The following OSCP1 variants were observed in gnomAD, a reference collection of about 807,000 sequenced individuals.
OSCP1 encodes organic solute carrier partner 1.
In OSCP1, 35 loss-of-function variants were observed where a neutral mutation model predicts 45.1. The observed-to-expected ratio is 0.78, with a 90% CI of 0.59 to 1.03. The LOEUF (loss-of-function observed/expected upper bound fraction) is 1.03. OSCP1 is among the 50% of genes least tolerant of loss of function. OSCP1 has a pLI of 0.00. For synonymous variants in OSCP1, 179 were observed against 180.1 expected (o/e 0.99, Z 0.05); for missense variants, 400 against 470.7 (o/e 0.85, Z 1.39).
intron 2 of OSCP1, among the ~76,000 whole-genome samples, chr1:36,438,431 A>C (rs1481499383): frequency 6.6e-6 from 1 of 151,944 alleles, no homozygotes; most frequent in Non-Finnish European, 1.5e-5. Flanking sequence ...TCAAGGCCGC[A>C]GTGAGCTATG....
chr1:36,434,353 G>C (rs11263896), intron 2 of OSCP1, among the ~76,000 whole-genome samples: 376 of 152,292 alleles, frequency 2.5e-3, no homozygotes, highest in African/African-American at 8.8e-3. Context: ...AATGATATTT[G>C]ACCTCAAGAC....
rs1186401243 is a variant in OSCP1, at chr1:36,432,527, A to G, written c.330T>C (p.Asp110=). 6.2e-7 allele frequency: 1 copy of G among 1,614,158 alleles called. No individual in the cohort carries two copies. The highest frequency in any genetic ancestry group is 1.1e-5 in the South Asian group (1 of 91,084). Reference sequence around the variant, plus strand: ...AGTGATTGAAAGTGACCAGCAGCACATCCTTGGGTCGGGGACACAGCAATA... The same window carrying G: ...AGTGATTGAAAGTGACCAGCAGCACGTCCTTGGGTCGGGGACACAGCAATA... The part of the protein sequence containing the change: ...YQVLLCPRPK[D]VLLVTFNHLD... Residue 110 remains aspartate, a synonymous_variant, in exon 3 of 10, where the codon GAT becomes GAC. Transcript: ENST00000235532.
At chr1:36,440,952 A>G (rs925433776) in intron 1 of OSCP1, 1 of 152,224 alleles carries the variant, frequency 6.6e-6, no homozygotes, top group Non-Finnish European at 1.5e-5. Flanking sequence ...TTGAGCCCTT[A>G]TTAGGAGCTA....
Position 36,418,190 on chromosome 1 carries a change from C to G in OSCP1, c.1089G>C (p.Arg363Ser), listed in dbSNP as rs1247222519. The G allele has an allele frequency of 5.0e-6, 8 of 1,614,080 alleles. No individual in the cohort carries two copies. The highest frequency in any genetic ancestry group is 4.4e-5 in the South Asian group (4 of 91,090). ...MGEFEITEQP[R>S]LSTSKGDDLL... ...AATCGTCCCCTTTGCTGGTGCTCAG[C>G]CTTGGCTGCTCCGTGATCTCAAACT... Residue 363 changes from arginine (R) to serine (S), a missense_variant, in exon 10 of 10, where the codon AGG becomes AGC. Coordinates refer to ENST00000235532, the MANE Select transcript of OSCP1 (RefSeq NM_145047.5).
At chr1:36,444,863 T>C (rs1191506897) in intron 1 of OSCP1, among the ~76,000 whole-genome samples, 2 of 152,186 alleles carry the variant, frequency 1.3e-5, no homozygotes, top group African/African-American at 4.8e-5. Context: ...ACAGGCCTAT[T>C]GTGGGGATAA....
rs762046311 is a variant in OSCP1 at position 36,420,546 on chromosome 1, C to G, written c.889G>C (p.Glu297Gln). 1.2e-6 allele frequency: 2 copies of G among 1,614,020 alleles called. No individual in the cohort carries two copies. Among genetic ancestry groups the G allele is most frequent in the Non-Finnish European group, 1.7e-6 (2 of 1,180,036 alleles). ...TCAGGGCCACTGGGTTTCTTAATCTCCATCCCTCCCATCAGCCTGGCCAAG... is the reference window on the plus strand; with the variant it reads ...TCAGGGCCACTGGGTTTCTTAATCTGCATCCCTCCCATCAGCCTGGCCAAG... ...NFLARLMGGMEIKKPSGPEPG... is the reference protein window; with the variant it reads ...NFLARLMGGMQIKKPSGPEPG... The change falls in exon 8 of 10, where the codon GAG (glutamate) becomes CAG (glutamine). Residue 297 changes from glutamate to glutamine, a missense_variant. Transcript: ENST00000235532.
At chr1:36,429,812 A>ATT (rs34228845) in intron 4 of OSCP1, among the ~76,000 whole-genome samples, 139 of 139,486 alleles carry the variant, frequency 1.0e-3, no homozygotes, top group Admixed American at 3.8e-3. Context: ...CAGTAGCATG[A>ATT]TTTTTTTTTT....
At chr1:36,445,207 G>T (rs1649442379) in intron 1 of OSCP1, among the ~76,000 whole-genome samples, 1 of 152,166 alleles carries the variant, frequency 6.6e-6, no homozygotes, top group Non-Finnish European at 1.5e-5. Flanking sequence ...AAAATTAGCT[G>T]GGTGTGGTGG....
chr1:36,443,690 C>A (rs1649335188), intron 1 of OSCP1, among the ~76,000 whole-genome samples: 1 of 152,186 alleles, frequency 6.6e-6, no homozygotes, highest in Non-Finnish European at 1.5e-5. Flanking sequence ...AATAGGATGA[C>A]ATACCCCAAA....
chr1:36,421,892 A>G (rs1184790613), intron 7 of OSCP1: 2 of 541,848 alleles, frequency 3.7e-6, no homozygotes, highest in East Asian at 6.2e-5. Flanking sequence ...ACGCTACTGC[A>G]TATGTCCTGG....
At chr1:36,440,303 A>G (rs2124805702) in intron 1 of OSCP1, among the ~76,000 whole-genome samples, 1 of 152,266 alleles carries the variant, frequency 6.6e-6, no homozygotes, top group South Asian at 2.1e-4. Flanking sequence ...AACACATTTT[A>G]TGGGGGAAGG....
In OSCP1 at chr1:36,432,559, A is replaced by G. The variant is rs139145594; in HGVS notation, c.298T>C (p.Tyr100His). The change falls in exon 3 of 10, where the codon TAT becomes CAT. Residue 100 changes from tyrosine to histidine, a missense_variant. Tyr to His is a moderately conservative substitution (Grantham distance 83). Coordinates refer to ENST00000235532, the MANE Select transcript of OSCP1 (RefSeq NM_145047.5). ...LYDLMTMAFK[Y>H]QVLLCPRPKD... ...GGTCGGGGACACAGCAATACTTGAT[A>G]TTTGAAAGCCATGGTCATCAGGTCA... 2 of 1,614,080 alleles carry G rather than the reference A, an allele frequency of 1.2e-6. No individual in the cohort carries two copies. The highest frequency in any genetic ancestry group is 2.7e-5 in the African/African-American group (2 of 74,928).
At chr1:36,429,379 C>G (rs1014167966) in intron 4 of OSCP1, among the ~76,000 whole-genome samples, 1 of 141,024 alleles carries the variant, frequency 7.1e-6, no homozygotes, top group Non-Finnish European at 1.6e-5. Context: ...AAATGAGAAC[C>G]TGTCTCAAAA....
At chr1:36,434,206 G>A (rs1319452258) in intron 2 of OSCP1, among the ~76,000 whole-genome samples, 1 of 152,134 alleles carries the variant, frequency 6.6e-6, no homozygotes, top group African/African-American at 2.4e-5. Context: ...ACTACCATCT[G>A]AGTGTCATGC....
At chr1:36,444,857 G>A (rs956128951) in intron 1 of OSCP1, among the ~76,000 whole-genome samples, 1 of 152,122 alleles carries the variant, frequency 6.6e-6, no homozygotes, top group East Asian at 1.9e-4. Flanking sequence ...TATCTTACAG[G>A]CCTATTGTGG....
chr1:36,431,488 G>A (rs916789589), intron 4 of OSCP1, among the ~76,000 whole-genome samples: 3 of 152,118 alleles, frequency 2.0e-5, no homozygotes, highest in African/African-American at 7.2e-5. Flanking sequence ...GGAGGATACA[G>A]CTCAACAAAA....
chr1:36,420,689 G>A, intron 7 of OSCP1, 74 bp from the exon 8 acceptor site: 2 of 1,548,260 alleles, frequency 1.3e-6, no homozygotes, highest in African/African-American at 1.4e-5. Context: ...AGAGACACAG[G>A]TAGGTATTAT....
chr1:36,427,007 C>CTT, intron 4 of OSCP1, among the ~76,000 whole-genome samples: 1 of 123,754 alleles, frequency 8.1e-6, no homozygotes, highest in Non-Finnish European at 1.7e-5. Flanking sequence ...TGCCTGGCCT[C>CTT]TTTTTTTTTT....
intron 4 of OSCP1, among the ~76,000 whole-genome samples, chr1:36,429,535 A>ATTTTTTTTTT (rs200043573): frequency 0.011 from 1,114 of 100,108 alleles, 103 homozygotes; most frequent in East Asian, 0.016. Context: ...GAAGCTTAGA[A>ATTTTTTTTTT]TTTTTTTTTT....
Sources: gnomAD v4.1 joint callset for allele counts (sites outside exome capture counted in the v4.1 genomes callset) on GRCh38, gnomAD v4.1.1 for gene constraint, MANE v1.5 for transcripts, NCBI Gene and HGNC (gene_info 2026-07-23, HGNC 2026-07-21) for gene names.